The following ART1 variants were observed in gnomAD, a reference collection of about 807,000 sequenced individuals.
ART1 encodes the protein ADP-ribosyltransferase 1, also known as GPI-linked NAD(P)(+)--arginine ADP-ribosyltransferase 1.
ART1 carries 29 observed loss-of-function variants against 27.0 expected under a neutral mutation model. That is an observed-to-expected ratio of 1.08 (90% CI 0.80 to 1.47). The LOEUF (loss-of-function observed/expected upper bound fraction) is 1.47. Among genes scored for constraint, ART1 ranks in the 40% most tolerant of loss-of-function variants. The pLI is 0.00. For synonymous variants in ART1, 201 were observed against 172.2 expected (o/e 1.17, Z -1.31); for missense variants, 480 against 423.0 (o/e 1.13, Z -1.18).
chr11:3,647,087 G>A (rs536904943), intron 1 of ART1, among the ~76,000 whole-genome samples: 5 of 152,178 alleles, frequency 3.3e-5, no homozygotes, highest in South Asian at 4.2e-4. Context: ...TTAGGAGGCC[G>A]AGGCGGGCAG....
chr11:3,649,732 C>A (rs891077454), intron 1 of ART1, among the ~76,000 whole-genome samples: 106 of 151,840 alleles, frequency 7.0e-4, no homozygotes, highest in African/African-American at 2.2e-3. Flanking sequence ...GCAATTTCCT[C>A]TTAAAAAGGT....
intron 1 of ART1, among the ~76,000 whole-genome samples, chr11:3,650,624 C>T (rs963242723): frequency 6.6e-6 from 1 of 152,168 alleles, no homozygotes; most frequent in Non-Finnish European, 1.5e-5. Context: ...AACTCCCCAA[C>T]TCTAGTGCCA....
intron 4 of ART1, among the ~76,000 whole-genome samples, chr11:3,663,119 C>CTCATCTCA (rs2077635410): frequency 2.0e-5 from 3 of 146,904 alleles, no homozygotes; most frequent in Non-Finnish European, 4.5e-5. Flanking sequence ...CTCATCTCAT[C>CTCATCTCA]TCATCTCATC....
At chr11:3,657,682 A>C (rs970344715) in intron 1 of ART1, among the ~76,000 whole-genome samples, 1 of 152,238 alleles carries the variant, frequency 6.6e-6, no homozygotes, top group African/African-American at 2.4e-5. Flanking sequence ...GGGCACTCTC[A>C]TCCATTGTTG....
At chr11:3,661,951 G>C (rs1240590147) in intron 4 of ART1, among the ~76,000 whole-genome samples, 3 of 152,214 alleles carry the variant, frequency 2.0e-5, no homozygotes, top group Admixed American at 6.5e-5. Flanking sequence ...CTCCAGCCTG[G>C]ATCTGCCTAT....
At chr11:3,662,222 C>T (rs191250760) in intron 4 of ART1, among the ~76,000 whole-genome samples, 4 of 152,356 alleles carry the variant, frequency 2.6e-5, no homozygotes, top group South Asian at 2.1e-4. Context: ...CATTCTTTCT[C>T]TGTGCCTCAG....
At chr11:3,653,607 T>A (rs895749541) in intron 1 of ART1, among the ~76,000 whole-genome samples, 1 of 152,214 alleles carries the variant, frequency 6.6e-6, no homozygotes, top group Admixed American at 6.5e-5. Flanking sequence ...CAAAGCCTGT[T>A]TGGTGGTCTC....
chr11:3,657,596 A>G lies in ART1; in HGVS notation c.-52-1566A>G, dbSNP rs546234017. ...CCTCAAACAAACAAACAAAGTAGAT[A>G]CCATTTTTCCTACCAGTTAAATGGA... On this transcript the variant is annotated intron_variant, in intron 1 of 4. Transcript: ENST00000250693. Among the ~76,000 whole-genome samples the G allele has an allele frequency of 5.3e-5, 8 of 152,318 alleles. No individual in the cohort carries two copies. In the South Asian group the frequency reaches 6.2e-4, roughly 12 times the overall value.
intron 1 of ART1, among the ~76,000 whole-genome samples, chr11:3,649,621 G>C (rs2077501465): frequency 6.6e-6 from 1 of 152,160 alleles, no homozygotes; most frequent in Admixed American, 6.5e-5. Flanking sequence ...TTCTTCCTCA[G>C]CCTCAGCTCC....
chr11:3,659,499 T>G (rs2077599962), intron 2 of ART1, 84 bp from the exon 3 acceptor site: 2 of 1,478,174 alleles, frequency 1.4e-6, no homozygotes, highest in South Asian at 2.7e-5. Context: ...CCTGCCTTTC[T>G]CAGTGGAGGG....
At chr11:3,658,731 C>T (rs991121494) in intron 1 of ART1, among the ~76,000 whole-genome samples, 16 of 152,160 alleles carry the variant, frequency 1.1e-4, no homozygotes, top group Non-Finnish European at 2.2e-4. Flanking sequence ...ACAACCCCTG[C>T]GAGGTGAAGC....
At chr11:3,653,719 T>G (rs1472923010) in intron 1 of ART1, among the ~76,000 whole-genome samples, 1 of 152,130 alleles carries the variant, frequency 6.6e-6, no homozygotes, top group South Asian at 2.1e-4. Flanking sequence ...CTGGGTGTCA[T>G]CCTTGATTTT....
In ART1 at chr11:3,659,861, T is replaced by C. The variant is rs376555468; in HGVS notation, c.342T>C (p.His114=). ...SPPPLGFRDE[H]GVALLAYTAN... is the part of the protein sequence containing the mutation. ...CACCCCTGGGCTTCCGCGATGAGCATGGGGTGGCCCTCCTGGCCTACACAG... is the reference window on the plus strand; with the variant it reads ...CACCCCTGGGCTTCCGCGATGAGCACGGGGTGGCCCTCCTGGCCTACACAG... The change falls in exon 3 of 5, where the codon CAT becomes CAC. Residue 114 remains histidine (H), a synonymous_variant. Coordinates refer to ENST00000250693, the MANE Select transcript of ART1 (RefSeq NM_004314.3). The C allele has an allele frequency of 2.5e-5, 41 of 1,612,556 alleles. No individual in the cohort carries two copies. Among genetic ancestry groups the C allele is most frequent in the Non-Finnish European group, 3.5e-5 (41 of 1,179,654 alleles).
intron 1 of ART1, among the ~76,000 whole-genome samples, chr11:3,647,324 A>AAAAAC (rs564357590): frequency 5.1e-5 from 7 of 136,774 alleles, no homozygotes; most frequent in Admixed American, 2.9e-4. Context: ...CCGTCTCAAA[A>AAAAAC]AAAACAAAAC....
chr11:3,654,987 C>G (rs532344543), intron 1 of ART1, among the ~76,000 whole-genome samples: 1 of 152,234 alleles, frequency 6.6e-6, no homozygotes, highest in African/African-American at 2.4e-5. Flanking sequence ...TGCTGCATAA[C>G]TATTTTGCCG....
In ART1 at chr11:3,660,247, T is replaced by TC. The variant is rs762428866; in HGVS notation, c.735dup (p.Phe246LeufsTer2). 228 of 1,613,126 alleles carry TC rather than the reference T, an allele frequency of 1.4e-4. No individual in the cohort carries two copies. Among genetic ancestry groups the TC allele is most frequent in the Middle Eastern group, 3.3e-4 (2 of 6,084 alleles). On this transcript the variant is annotated frameshift_variant, in exon 3 of 5. Transcript: ENST00000250693. LOFTEE classifies it high-confidence loss of function. ...TTCCCTGGAGAGGAAGAGGTGCTGATCCCCCCCTTTGAGACCTTCCAAGTG... is the reference window on the plus strand; with the variant it reads ...TTCCCTGGAGAGGAAGAGGTGCTGATCCCCCCCCTTTGAGACCTTCCAAGTG...
intron 1 of ART1, among the ~76,000 whole-genome samples, chr11:3,650,770 C>A (rs1308376288): frequency 6.6e-6 from 1 of 150,922 alleles, no homozygotes; most frequent in African/African-American, 2.4e-5. Context: ...TCATTGCCAC[C>A]TTTTCCCCCA....
At chr11:3,649,811 C>T (rs901406912) in intron 1 of ART1, among the ~76,000 whole-genome samples, 27 of 152,284 alleles carry the variant, frequency 1.8e-4, no homozygotes, top group Admixed American at 1.2e-3. Context: ...CGAATCAGAG[C>T]GTTTAGGCTT....
At chr11:3,663,792 G>A (rs929444772) in intron 4 of ART1, 4 of 301,120 alleles carry the variant, frequency 1.3e-5, no homozygotes, top group Admixed American at 9.6e-5. Context: ...TTCTCCCTAT[G>A]TTGCCCAGGT....
Sources: allele counts gnomAD v4.1 joint callset (sites outside exome capture counted in the v4.1 genomes callset), GRCh38; gene constraint gnomAD v4.1.1; transcripts MANE v1.5; gene names NCBI Gene and HGNC (gene_info 2026-07-23, HGNC 2026-07-21).